LMLN: variants seen among roughly 807,000 people sequenced by gnomAD.
LMLN encodes leishmanolysin-like peptidase.
Under a neutral mutation model 92.3 loss-of-function variants are expected in LMLN, and 70 were observed. That is an observed-to-expected ratio of 0.76 (90% CI 0.63 to 0.92). The LOEUF (loss-of-function observed/expected upper bound fraction) is 0.92. LMLN is among the 40% of genes least tolerant of loss of function. The probability of loss-of-function intolerance (pLI) is 0.00; values close to 1 mark genes in which losing one functional copy is unlikely to be tolerated. For missense variants in LMLN, 691 were observed against 814.6 expected, an observed-to-expected ratio of 0.85 and a Z score of 1.85; for synonymous variants, 308 against 296.2, an observed-to-expected ratio of 1.04 and a Z score of -0.41.
chr3:197,980,278 G>T, intron 5 of LMLN, 48 bp from the exon 6 acceptor site: 1 of 1,530,180 alleles, frequency 6.5e-7, no homozygotes. Context: ...TGCCACTACA[G>T]CTAACTTTGT....
At chr3:197,993,552 A>C (rs1721936623) in intron 9 of LMLN, among the ~76,000 whole-genome samples, 1 of 152,174 alleles carries the variant, frequency 6.6e-6, no homozygotes, top group African/African-American at 2.4e-5. Context: ...CAGGGAAGTA[A>C]AAGACCTGTA....
At chr3:198,036,150 T>C in intron 15 of LMLN, 107 bp downstream of exon 16, 1 of 963,832 alleles carries the variant, frequency 1.0e-6, no homozygotes, top group Non-Finnish European at 1.6e-6. Context: ...CAAGTTGAGT[T>C]TCTTCTCTGC....
At chr3:198,018,566 C>G (rs1722702780) in intron 11 of LMLN, among the ~76,000 whole-genome samples, 1 of 152,028 alleles carries the variant, frequency 6.6e-6, no homozygotes, top group South Asian at 2.1e-4. Flanking sequence ...GCTGTAACTC[C>G]CTAAAGATGT....
At chr3:197,976,434 G>A in intron 4 of LMLN, 164 bp from the exon 5 acceptor site, 1 of 534,962 alleles carries the variant, frequency 1.9e-6, no homozygotes, top group Non-Finnish European at 3.4e-6. Flanking sequence ...CAAATCAAGA[G>A]GATTTCCTAT....
intron 12 of LMLN, among the ~76,000 whole-genome samples, chr3:198,020,219 C>T (rs1722742383): frequency 6.6e-6 from 1 of 152,118 alleles, no homozygotes; most frequent in African/African-American, 2.4e-5. Flanking sequence ...TGGTCTCAAA[C>T]TCCTGACCTC....
Position 197,985,751 on chromosome 3 carries a change from C to A in LMLN, c.835-45C>A, listed in dbSNP as rs776815352. The A allele has an allele frequency of 5.4e-6, 7 of 1,307,402 alleles. No individual in the cohort carries two copies. The East Asian group carries it at 1.6e-4, about 30-fold the overall frequency. 81.0% of individuals were successfully genotyped at this position (1,307,402 alleles called of 1,614,324 possible). ...CTTTTGATCGCAGGCCTGTAATCAG[C>A]CTTGATGTTTTTCACTTGAAGACAT... On this transcript the variant is annotated intron_variant, in intron 7 of 15. Coordinates refer to ENST00000330198, the Ensembl canonical transcript of LMLN.
intron 9 of LMLN, among the ~76,000 whole-genome samples, chr3:197,991,477 C>T (rs1721867967): frequency 6.6e-6 from 1 of 152,130 alleles, no homozygotes; most frequent in African/African-American, 2.4e-5. Flanking sequence ...ATGGGATAGG[C>T]CAGCAGGCTG....
intron 5 of LMLN, among the ~76,000 whole-genome samples, chr3:197,978,117 A>G (rs1430503267): frequency 6.6e-6 from 1 of 150,720 alleles, no homozygotes; most frequent in Non-Finnish European, 1.5e-5. Context: ...ATGGATACAT[A>G]TAAAAATCAT....
rs569237676 is a variant in LMLN, at chr3:198,001,935, G to C, written c.1232+2593G>C. Among the ~76,000 whole-genome samples the C allele has an allele frequency of 2.0e-4, 31 of 152,168 alleles. No homozygotes were observed. The South Asian group carries it at 6.5e-3, about 32-fold the overall frequency. ...CACTAAGTACTGAGATTTCAGGCGTGAGCCACTGCGCCCAGCCCTGAGCCT... is the reference window on the plus strand; with the variant it reads ...CACTAAGTACTGAGATTTCAGGCGTCAGCCACTGCGCCCAGCCCTGAGCCT... On this transcript the variant is annotated intron_variant, in intron 11 of 15. Coordinates refer to ENST00000330198, the Ensembl canonical transcript of LMLN.
chr3:198,017,289 C>A (rs554081844), intron 11 of LMLN, among the ~76,000 whole-genome samples: 8 of 152,288 alleles, frequency 5.3e-5, no homozygotes, highest in African/African-American at 1.9e-4. Flanking sequence ...ACCCAGTCTG[C>A]CTGTATGTAT....
At chr3:197,961,976 G>A (rs2109834769) in intron 1 of LMLN, among the ~76,000 whole-genome samples, 1 of 152,182 alleles carries the variant, frequency 6.6e-6, no homozygotes, top group East Asian at 1.9e-4. Context: ...CCATTCCGCA[G>A]CCCCCTACTT....
intron 14 of LMLN, 42 bp from the exon 16 acceptor site, chr3:198,035,791 A>C: frequency 7.1e-7 from 1 of 1,401,090 alleles, no homozygotes; most frequent in Non-Finnish European, 1.0e-6. Flanking sequence ...TACTGACCTG[A>C]TATTTATTAT....
chr3:197,997,019 T>G (rs1372559568), intron 10 of LMLN, among the ~76,000 whole-genome samples: 1 of 140,472 alleles, frequency 7.1e-6, no homozygotes, highest in African/African-American at 3.2e-5. Context: ...TCTTTTCCTT[T>G]CTTTTCTTTT....
chr3:197,979,710 G>T (rs955874794), intron 5 of LMLN, among the ~76,000 whole-genome samples: 4 of 152,082 alleles, frequency 2.6e-5, no homozygotes, highest in Non-Finnish European at 4.4e-5. Flanking sequence ...CAGCTACTTG[G>T]GGGGCTGAGG....
intron 1 of LMLN, among the ~76,000 whole-genome samples, chr3:197,970,806 G>C (rs1721201551): frequency 6.6e-6 from 1 of 152,220 alleles, no homozygotes; most frequent in African/African-American, 2.4e-5. Flanking sequence ...CTGCTGTGTT[G>C]ACTCTTCTGC....
Position 198,025,749 on chromosome 3 carries a change from A to G in LMLN, c.1656+961A>G, listed in dbSNP as rs1389980643. Among the ~76,000 whole-genome samples the G allele has an allele frequency of 6.6e-6, 1 of 152,232 alleles. No individual in the cohort carries two copies. The highest frequency in any genetic ancestry group is 1.9e-4 in the East Asian group (1 of 5,204). ...ATTAAGGACTTATAAAGATGTAGCC[A>G]TTCTGTGACTTAGGAGCATCCAATG... On this transcript the variant is annotated intron_variant, in intron 14 of 15. Coordinates refer to ENST00000330198, the Ensembl canonical transcript of LMLN. This position sits in a 1 kb window ranked among gnomAD's most constrained non-coding sequence, Gnocchi z 4.3.
chr3:197,963,147 T>TG (rs1560130387), intron 1 of LMLN, among the ~76,000 whole-genome samples: 14 of 152,078 alleles, frequency 9.2e-5, no homozygotes, highest in Non-Finnish European at 1.3e-4. Flanking sequence ...GCATAATTTT[T>TG]CTCAGCAAAA....
chr3:197,974,212 T>C (rs144142420), intron 1 of LMLN, among the ~76,000 whole-genome samples, 165 bp from the exon 2 acceptor site: 337 of 152,336 alleles, frequency 2.2e-3, no homozygotes, highest in African/African-American at 7.6e-3. Flanking sequence ...CAGCCCTTGC[T>C]TGGGAGAGCT....
intron 9 of LMLN, chr3:197,994,459 A>T (rs940447875): frequency 3.3e-5 from 5 of 152,186 alleles, no homozygotes; most frequent in Non-Finnish European, 7.4e-5. Flanking sequence ...CTGAATAGAC[A>T]TTTCTCAAAA....
Sources: allele counts gnomAD v4.1 joint callset (sites outside exome capture counted in the v4.1 genomes callset), GRCh38; gene constraint gnomAD v4.1.1; non-coding constraint Gnocchi (gnomAD v3.1); transcripts MANE v1.5; gene names NCBI Gene and HGNC (gene_info 2026-07-23, HGNC 2026-07-21).